The following SPAG16 variants were observed in gnomAD, a reference collection of about 807,000 sequenced individuals.
SPAG16 encodes the protein sperm-associated antigen 16 protein.
A neutral mutation model predicts 80.4 loss-of-function variants in SPAG16; 86 were observed. That is an observed-to-expected ratio of 1.07 (90% CI 0.90 to 1.28). The LOEUF is 1.28. Among genes scored for constraint, SPAG16 ranks in the 50% most tolerant of loss-of-function variants. SPAG16 has a pLI of 0.00. For synonymous variants in SPAG16, 294 were observed against 265.9 expected (o/e 1.11, Z -1.03); for missense variants, 870 against 765.3 (o/e 1.14, Z -1.61).
rs1313976119 is a variant in SPAG16 at position 213,729,396 on chromosome 2, A to G, written c.1071-133089A>G. On this transcript the variant is annotated intron_variant, in intron 10 of 15. Coordinates refer to ENST00000331683, the MANE Select transcript of SPAG16 (RefSeq NM_024532.5). ...GATTGCTCACCTTACAGGGCTATAC[A>G]AAGCTAATAAAATGTACATATAAGC... Among the ~76,000 whole-genome samples the G allele has an allele frequency of 3.9e-5, 6 of 152,324 alleles. No homozygotes were observed. In the East Asian group the frequency reaches 1.2e-3, roughly 29 times the overall value.
At chr2:213,477,216 TA>T (rs1311488312) in intron 9 of SPAG16, among the ~76,000 whole-genome samples, 1 of 152,200 alleles carries the variant, frequency 6.6e-6, no homozygotes, top group East Asian at 1.9e-4. Flanking sequence ...GGCTTTAGGC[TA>T]TCCTTGGCTT....
intron 10 of SPAG16, among the ~76,000 whole-genome samples, chr2:213,844,141 A>G (rs999517187): frequency 6.6e-6 from 1 of 152,118 alleles, no homozygotes. Flanking sequence ...AACCAAGAAC[A>G]CTCAGCTTGC....
At chr2:213,828,193 GT>G (rs1452405054) in intron 10 of SPAG16, among the ~76,000 whole-genome samples, 1 of 152,002 alleles carries the variant, frequency 6.6e-6, no homozygotes, top group Non-Finnish European at 1.5e-5. Context: ...TCTTGTAGGT[GT>G]GCTTATTCTT....
At chr2:213,816,409 G>A (rs1286226291) in intron 10 of SPAG16, among the ~76,000 whole-genome samples, 1 of 152,066 alleles carries the variant, frequency 6.6e-6, no homozygotes, top group Non-Finnish European at 1.5e-5. Flanking sequence ...AAAATGCATA[G>A]GCATTTCTGA....
chr2:213,290,058 G>T (rs892315114), intron 1 of SPAG16, among the ~76,000 whole-genome samples: 2 of 152,204 alleles, frequency 1.3e-5, no homozygotes, highest in Non-Finnish European at 2.9e-5. Context: ...TGGCAGTTGT[G>T]TTCTCTGTAG....
intron 11 of SPAG16, among the ~76,000 whole-genome samples, chr2:213,894,934 A>T (rs1346391317): frequency 3.7e-5 from 5 of 135,410 alleles, no homozygotes; most frequent in Non-Finnish European, 6.1e-5. Flanking sequence ...AGTTGCAGTG[A>T]GCTGAGATCG....
At chr2:214,320,098 A>T (rs185915447) in intron 15 of SPAG16, among the ~76,000 whole-genome samples, 6 of 152,164 alleles carry the variant, frequency 3.9e-5, no homozygotes. Context: ...CCTACCAAAC[A>T]GTCCAGCTTC....
chr2:213,407,747 GGCAGAGAGAGAC>G, intron 9 of SPAG16, among the ~76,000 whole-genome samples: 1 of 148,322 alleles, frequency 6.7e-6, no homozygotes, highest in African/African-American at 2.5e-5. Flanking sequence ...ACAGGAGAGA[GGCAGAGAGAGAC>G]AGGAGAGAGG....
At chr2:214,395,334 G>A (rs1332536914) in intron 15 of SPAG16, among the ~76,000 whole-genome samples, 2 of 152,174 alleles carry the variant, frequency 1.3e-5, no homozygotes, top group African/African-American at 2.4e-5. Context: ...AGCAAGGAAT[G>A]AATGTTCCTA....
In SPAG16 at chr2:213,736,793, C is replaced by T. The variant is rs1294254482; in HGVS notation, c.1071-125692C>T. On this transcript the variant is annotated intron_variant, in intron 10 of 15. Transcript: ENST00000331683. ...GATCTCGGCTTGCTGCAACCTCTGCCTCCTCGGTTCAAGTGATTCTCCTGC... is the reference window on the plus strand; with the variant it reads ...GATCTCGGCTTGCTGCAACCTCTGCTTCCTCGGTTCAAGTGATTCTCCTGC... 2.6e-5 allele frequency among the ~76,000 whole-genome samples: 4 copies of T among 151,762 alleles called. No homozygotes were observed. The South Asian group carries it at 6.2e-4, about 24-fold the overall frequency.
chr2:213,523,515 AAC>A (rs1230256421), intron 10 of SPAG16, among the ~76,000 whole-genome samples: 2 of 152,210 alleles, frequency 1.3e-5, no homozygotes, highest in Admixed American at 6.5e-5. Context: ...CAGAAGTTGG[AAC>A]AGTTTGGAGG....
chr2:213,504,763 A>G (rs2074895729), intron 10 of SPAG16, among the ~76,000 whole-genome samples: 1 of 152,204 alleles, frequency 6.6e-6, no homozygotes, highest in Non-Finnish European at 1.5e-5. Context: ...AAAAAAGGGG[A>G]AGTTTATAAA....
intron 11 of SPAG16, among the ~76,000 whole-genome samples, chr2:213,927,625 T>G: frequency 6.6e-6 from 1 of 152,220 alleles, no homozygotes; most frequent in Non-Finnish European, 1.5e-5. Flanking sequence ...TTGTTTATAT[T>G]TATTGTTGAC....
At chr2:214,143,365 C>T (rs1329234705) in intron 14 of SPAG16, among the ~76,000 whole-genome samples, 2 of 148,530 alleles carry the variant, frequency 1.3e-5, no homozygotes, top group Non-Finnish European at 3.0e-5. Flanking sequence ...TGTCTCATTT[C>T]ATAGGTATTT....
chr2:213,522,798 A>AATTT (rs1553555177), intron 10 of SPAG16, among the ~76,000 whole-genome samples: 2 of 146,770 alleles, frequency 1.4e-5, no homozygotes, highest in Non-Finnish European at 3.0e-5. Context: ...TTACATGCCA[A>AATTT]ATATATATAT....
intron 12 of SPAG16, among the ~76,000 whole-genome samples, chr2:213,966,289 A>G (rs938231498): frequency 2.0e-5 from 3 of 152,034 alleles, no homozygotes; most frequent in Non-Finnish European, 4.4e-5. Flanking sequence ...GATTTAATAT[A>G]TTTTCTTAAA....
intron 10 of SPAG16, among the ~76,000 whole-genome samples, chr2:213,834,689 G>T (rs562540811): frequency 2.0e-5 from 3 of 152,246 alleles, no homozygotes; most frequent in Admixed American, 6.5e-5. Flanking sequence ...AGAAAATGAA[G>T]TGGAAAGAGG....
intron 15 of SPAG16, among the ~76,000 whole-genome samples, chr2:214,292,770 T>C (rs996350683): frequency 5.9e-5 from 9 of 152,354 alleles, no homozygotes; most frequent in African/African-American, 1.7e-4. Context: ...GGTGTAGTAG[T>C]TGCTTCTTCC....
At chr2:213,773,741 A>C (rs1315215138) in intron 10 of SPAG16, among the ~76,000 whole-genome samples, 1 of 151,718 alleles carries the variant, frequency 6.6e-6, no homozygotes, top group Non-Finnish European at 1.5e-5. Flanking sequence ...TTTAGTAGAG[A>C]TAGAGTTTCA....
Sources: allele counts gnomAD v4.1 joint callset (sites outside exome capture counted in the v4.1 genomes callset), GRCh38; gene constraint gnomAD v4.1.1; transcripts MANE v1.5; gene names NCBI Gene and HGNC (gene_info 2026-07-23, HGNC 2026-07-21).